The following ASTN2 variants were observed in gnomAD, a reference collection of about 807,000 sequenced individuals.
ASTN2 encodes astrotactin-2.
A neutral mutation model predicts 139.8 loss-of-function variants in ASTN2; 54 were observed. That is an observed-to-expected ratio of 0.39 (90% CI 0.31 to 0.48). ASTN2 has a LOEUF of 0.48. Among genes scored for constraint, ASTN2 ranks in the 20% least tolerant of loss-of-function variants. The pLI is 0.95. For synonymous variants in ASTN2, 756 were observed against 719.5 expected (o/e 1.05, Z -0.81); for missense variants, 1,565 against 1,725.1 (o/e 0.91, Z 1.64).
chr9:117,082,853 T>C (rs1411056523), intron 5 of ASTN2, among the ~76,000 whole-genome samples: 1 of 152,170 alleles, frequency 6.6e-6, no homozygotes. Flanking sequence ...CGTCATTTCA[T>C]GGAGGTTCAA....
intron 1 of ASTN2, among the ~76,000 whole-genome samples, chr9:117,341,997 T>G (rs1587964339): frequency 1.3e-5 from 2 of 152,328 alleles, no homozygotes; most frequent in South Asian, 4.1e-4. Flanking sequence ...GGACCCAACT[T>G]TGCAGCTATA....
chr9:116,497,145 A>G (rs1480716843), intron 19 of ASTN2, among the ~76,000 whole-genome samples: 1 of 152,214 alleles, frequency 6.6e-6, no homozygotes, highest in Non-Finnish European at 1.5e-5. Context: ...CACTGGCAGC[A>G]CAAAGTGAGC....
At chr9:117,125,577 G>T (rs948210781) in intron 4 of ASTN2, among the ~76,000 whole-genome samples, 1 of 152,152 alleles carries the variant, frequency 6.6e-6, no homozygotes, top group East Asian at 1.9e-4. Flanking sequence ...AAGCCTTTTG[G>T]AGTCTCTCTT....
At chr9:116,723,206 A>G (rs1828522369) in intron 16 of ASTN2, among the ~76,000 whole-genome samples, 1 of 152,122 alleles carries the variant, frequency 6.6e-6, no homozygotes, top group African/African-American at 2.4e-5. Context: ...TTAGCAAGGT[A>G]TGGAGCTGGG....
In ASTN2 at chr9:116,982,358, C is replaced by T. The variant is rs145153042; in HGVS notation, c.1592-5573G>A. 8.8e-3 allele frequency among the ~76,000 whole-genome samples: 1,334 copies of T among 152,238 alleles called. 20 individuals carry two copies. Among genetic ancestry groups the T allele is most frequent in the African/African-American group, 0.031 (1,278 of 41,534 alleles). On this transcript the variant is annotated intron_variant, in intron 7 of 22. Transcript: ENST00000313400. ...GAAAAATCCTCAGCACAGTCTTTGG[C>T]ACATTTCTTCTTGCTGAGAACACAA...
At chr9:116,535,153 A>C (rs1384970017) in intron 19 of ASTN2, among the ~76,000 whole-genome samples, 1 of 152,092 alleles carries the variant, frequency 6.6e-6, no homozygotes, top group Non-Finnish European at 1.5e-5. Flanking sequence ...ATTGGTTTAA[A>C]GTCTGTTTTA....
chr9:117,120,006 G>GTATATATATA (rs1247910636), intron 4 of ASTN2, among the ~76,000 whole-genome samples: 1 of 44,554 alleles, frequency 2.2e-5, no homozygotes, highest in Non-Finnish European at 4.3e-5. Context: ...GTGTGTGTGT[G>GTATATATATA]TGTGTGTGTG....
At chr9:116,619,688 A>ATTTTTTT (rs766517097) in intron 18 of ASTN2, among the ~76,000 whole-genome samples, 4 of 74,314 alleles carry the variant, frequency 5.4e-5, no homozygotes, top group Admixed American at 3.4e-4. Context: ...CACACGGGCT[A>ATTTTTTT]TTTTTTTTTT....
At chr9:116,854,063 C>G (rs561077681) in intron 11 of ASTN2, among the ~76,000 whole-genome samples, 1 of 152,136 alleles carries the variant, frequency 6.6e-6, no homozygotes, top group Non-Finnish European at 1.5e-5. Context: ...CAATTTGGCC[C>G]GAATTCCCTG....
chr9:116,427,825 G>A (rs529270116), intron 22 of ASTN2, among the ~76,000 whole-genome samples: 16 of 152,230 alleles, frequency 1.1e-4, no homozygotes, highest in African/African-American at 3.6e-4. Context: ...CTTTCCCCTC[G>A]GGCAAGTGCC....
chr9:116,977,207 T>A (rs1378078304), intron 7 of ASTN2, among the ~76,000 whole-genome samples: 1 of 152,236 alleles, frequency 6.6e-6, no homozygotes, highest in East Asian at 1.9e-4. Flanking sequence ...TCTGAATGAA[T>A]AGGTCTTCAC....
chr9:116,819,728 A>G (rs1014559029), intron 12 of ASTN2, among the ~76,000 whole-genome samples: 18 of 152,204 alleles, frequency 1.2e-4, no homozygotes, highest in Non-Finnish European at 1.9e-4. Context: ...ATGTCAAAAG[A>G]TAAGCAAATA....
chr9:116,831,258 G>A (rs1473787702), intron 11 of ASTN2, among the ~76,000 whole-genome samples: 10 of 145,744 alleles, frequency 6.9e-5, no homozygotes, highest in Admixed American at 6.3e-4. Context: ...TGGGTACAAC[G>A]TTCACTATTC....
At chr9:117,101,361 T>G (rs1264077299) in intron 4 of ASTN2, among the ~76,000 whole-genome samples, 4 of 152,194 alleles carry the variant, frequency 2.6e-5, no homozygotes, top group Admixed American at 2.6e-4. Context: ...TGCAATAAAA[T>G]GCAGCCATTA....
At chr9:116,573,496 G>T (rs1407250111) in intron 19 of ASTN2, among the ~76,000 whole-genome samples, 2 of 152,130 alleles carry the variant, frequency 1.3e-5, no homozygotes, top group Non-Finnish European at 2.9e-5. Context: ...TTTCACAAAA[G>T]ATATGAATAA....
At chr9:117,115,941 C>A (rs149951721) in intron 4 of ASTN2, among the ~76,000 whole-genome samples, 1 of 151,606 alleles carries the variant, frequency 6.6e-6, no homozygotes, top group Non-Finnish European at 1.5e-5. Context: ...AGGAGAATGG[C>A]GTGAACCCAG....
chr9:116,491,840 T>C (rs1407170276), intron 19 of ASTN2, among the ~76,000 whole-genome samples: 1 of 152,160 alleles, frequency 6.6e-6, no homozygotes, highest in African/African-American at 2.4e-5. Flanking sequence ...AGCAATAATA[T>C]ACAGAGCAGT....
In ASTN2 at chr9:117,280,254, G is replaced by A. The variant is rs114720116; in HGVS notation, c.630+11072C>T. ...TGCATTACTTCAGTGGATTCATAACGTCAATGTGTCTGATGAGTGAGGATG... is the reference window on the plus strand; with the variant it reads ...TGCATTACTTCAGTGGATTCATAACATCAATGTGTCTGATGAGTGAGGATG... On this transcript the variant is annotated intron_variant, in intron 2 of 22. Transcript: ENST00000313400. Among the ~76,000 whole-genome samples the A allele has an allele frequency of 4.4e-3, 663 of 152,272 alleles. 7 individuals carry two copies. Among genetic ancestry groups the A allele is most frequent in the African/African-American group, 0.015 (621 of 41,556 alleles).
At chr9:117,369,360 C>G (rs1022639428) in intron 1 of ASTN2, among the ~76,000 whole-genome samples, 2 of 151,884 alleles carry the variant, frequency 1.3e-5, no homozygotes, top group African/African-American at 4.8e-5. Context: ...TTATTGTGTG[C>G]TTTTCAGGGG....
Sources: gnomAD v4.1 joint callset for allele counts (sites outside exome capture counted in the v4.1 genomes callset) on GRCh38, gnomAD v4.1.1 for gene constraint, MANE v1.5 for transcripts, NCBI Gene and HGNC (gene_info 2026-07-23, HGNC 2026-07-21) for gene names.